Variants in NEBL observed in about 807,000 individuals in gnomAD.
The protein encoded by NEBL is LIM and SH3 protein 2.
A neutral mutation model predicts 140.2 loss-of-function variants in NEBL; 122 were observed. The observed-to-expected ratio is 0.87, with a 90% confidence interval of 0.75 to 1.01. The LOEUF (loss-of-function observed/expected upper bound fraction) is 1.01, where lower values mean the gene tolerates loss of function less well. Ranked by LOEUF, NEBL falls within the 50% of genes least tolerant of loss-of-function variation. The pLI, the probability that NEBL is intolerant of heterozygous loss-of-function variation, is 0.00. For missense variants in NEBL, 1,365 were observed against 1,231.3 expected, an observed-to-expected ratio of 1.11 and a Z score of -1.62; for synonymous variants, 436 against 398.9, an observed-to-expected ratio of 1.09 and a Z score of -1.11.
At chr10:20,823,460 C>T (rs1169787545) in intron 18 of NEBL, among the ~76,000 whole-genome samples, 160 bp from the exon 19 acceptor site, 1 of 152,078 alleles carries the variant, frequency 6.6e-6, no homozygotes, top group Non-Finnish European at 1.5e-5. Context: ...ATGATGCTTT[C>T]AGGATTCCTT....
intron 3 of NEBL, among the ~76,000 whole-genome samples, chr10:20,970,456 C>G (rs887419910): frequency 1.3e-5 from 2 of 151,924 alleles, no homozygotes; most frequent in Non-Finnish European, 2.9e-5. Context: ...CTGGGCAACA[C>G]AGTGAGACCT....
intron 3 of NEBL, among the ~76,000 whole-genome samples, chr10:21,193,274 G>A (rs971009192): frequency 6.6e-6 from 1 of 152,192 alleles, no homozygotes; most frequent in African/African-American, 2.4e-5. Context: ...GGAAGCCAGA[G>A]ATCTGAGCTC....
At chr10:21,275,968 C>CTTTTT in intron 1 of NEBL, among the ~76,000 whole-genome samples, 1 of 124,330 alleles carries the variant, frequency 8.0e-6, no homozygotes, top group African/African-American at 3.0e-5. Flanking sequence ...CCAGCCCTTT[C>CTTTTT]TTTTTTTTTT....
At chr10:20,902,301 G>A (rs1847907436), upstream of NEBL, among the ~76,000 whole-genome samples, 1 of 152,054 alleles carries the variant, frequency 6.6e-6, no homozygotes, top group Non-Finnish European at 1.5e-5. Flanking sequence ...AGCTACTCGG[G>A]AGGCTGAGGC....
chr10:21,097,171 G>T (rs921452610), intron 2 of NEBL, among the ~76,000 whole-genome samples: 4 of 148,392 alleles, frequency 2.7e-5, no homozygotes, highest in Non-Finnish European at 4.5e-5. Flanking sequence ...CTCAATATCC[G>T]GCCAGGTGCG....
At chr10:20,865,943 G>A (rs1199626944) in intron 7 of NEBL, among the ~76,000 whole-genome samples, 1 of 152,070 alleles carries the variant, frequency 6.6e-6, no homozygotes, top group Non-Finnish European at 1.5e-5. Flanking sequence ...CACTGTCACA[G>A]CCCAGCTGGC....
chr10:20,813,466 T>C (rs912020341), intron 23 of NEBL, among the ~76,000 whole-genome samples: 1 of 152,126 alleles, frequency 6.6e-6, no homozygotes, highest in Admixed American at 6.6e-5. Context: ...GTCCAGGAGA[T>C]AGTTGTGTAA....
At chr10:20,787,385 A>T in intron 26 of NEBL, 77 bp from the exon 27 acceptor site, 1 of 1,123,340 alleles carries the variant, frequency 8.9e-7, no homozygotes, top group Non-Finnish European at 1.3e-6. Context: ...CCTCAGAGTG[A>T]TGTTATGCTC....
chr10:20,906,032 T>C (rs1191066422), intron 4 of NEBL, among the ~76,000 whole-genome samples: 1 of 152,216 alleles, frequency 6.6e-6, no homozygotes, highest in Non-Finnish European at 1.5e-5. Flanking sequence ...CCCTTCAGAA[T>C]ACTCTTTGTG....
chr10:20,903,665 AC>A (rs1238156632), intron 4 of NEBL, among the ~76,000 whole-genome samples: 2 of 152,320 alleles, frequency 1.3e-5, no homozygotes, highest in Middle Eastern at 6.8e-3. Flanking sequence ...GTATGCATAC[AC>A]CACGGAATAC....
chr10:20,813,245 C>T (rs191103295), intron 23 of NEBL, among the ~76,000 whole-genome samples: 295 of 151,346 alleles, frequency 1.9e-3, no homozygotes, highest in Middle Eastern at 3.4e-3. Flanking sequence ...CTGGTTACTT[C>T]CTAAAATATA....
chr10:21,230,843 G>C (rs911041312), intron 3 of NEBL, among the ~76,000 whole-genome samples: 1 of 152,060 alleles, frequency 6.6e-6, no homozygotes, highest in African/African-American at 2.4e-5. Context: ...GGGATCAAGT[G>C]ATCCACTGTC....
intron 3 of NEBL, among the ~76,000 whole-genome samples, chr10:21,011,977 G>C (rs1364242567): frequency 6.6e-6 from 1 of 152,194 alleles, no homozygotes; most frequent in Non-Finnish European, 1.5e-5. Flanking sequence ...TTCTTACTTT[G>C]CCTGCCATGC....
intron 3 of NEBL, among the ~76,000 whole-genome samples, chr10:20,966,736 A>G (rs1836332735): frequency 6.6e-6 from 1 of 152,226 alleles, no homozygotes. Flanking sequence ...AAATGGAATT[A>G]TTTACTAATG....
intron 16 of NEBL, among the ~76,000 whole-genome samples, chr10:20,829,427 G>A (rs12254313): frequency 0.012 from 1,730 of 147,300 alleles, 41 homozygotes; most frequent in African/African-American, 0.042. Context: ...CACACTCTGG[G>A]GACTGTTGTG....
rs113611405 is a variant in NEBL at position 21,229,836 on chromosome 10, G to A, written n.348+18085C>T. ...AACATGTGCCAGCACAGAGTCTGGC[G>A]TGTAGTGAACTGACCTGGTAAACCT... On this transcript the variant is annotated intron_variant and non_coding_transcript_variant, in intron 3 of 8. Transcript: ENST00000675702. Among the ~76,000 whole-genome samples, 427 of 152,338 alleles carry A rather than the reference G, an allele frequency of 2.8e-3. 1 individual carries two copies. The highest frequency in any genetic ancestry group is 8.9e-3 in the African/African-American group (372 of 41,576).
At chr10:21,192,573 T>C (rs188499733) in intron 3 of NEBL, among the ~76,000 whole-genome samples, 194 of 149,642 alleles carry the variant, frequency 1.3e-3, no homozygotes, top group African/African-American at 4.6e-3. Context: ...GGCCAGGCGT[T>C]GTGGCTCACA....
chr10:20,850,824 C>G (rs1842436180), intron 10 of NEBL, among the ~76,000 whole-genome samples: 1 of 152,118 alleles, frequency 6.6e-6, no homozygotes, highest in African/African-American at 2.4e-5. Context: ...ATGCAAATGG[C>G]ATACACACAT....
At chr10:21,012,352 A>G (rs144217055) in intron 3 of NEBL, among the ~76,000 whole-genome samples, 226 of 151,704 alleles carry the variant, frequency 1.5e-3, no homozygotes, top group African/African-American at 5.1e-3. Flanking sequence ...GTGTATATAT[A>G]TATTTATTTA....
Sources: allele counts gnomAD v4.1 joint callset (sites outside exome capture counted in the v4.1 genomes callset), GRCh38; gene constraint gnomAD v4.1.1; transcripts MANE v1.5; gene names NCBI Gene and HGNC (gene_info 2026-07-23, HGNC 2026-07-21).